MYBBP1A: variants seen among roughly 807,000 people sequenced by gnomAD.
The protein encoded by MYBBP1A is myb-binding protein 1A.
MYBBP1A carries 147 observed loss-of-function variants against 136.3 expected under a neutral mutation model. The observed-to-expected ratio is 1.08, with a 90% CI of 0.94 to 1.24. The LOEUF (loss-of-function observed/expected upper bound fraction) is 1.24. Among genes scored for constraint, MYBBP1A ranks in the 50% most tolerant of loss-of-function variants. The pLI is 0.00. For synonymous variants in MYBBP1A, 947 were observed against 735.8 expected, an observed-to-expected ratio of 1.29 and a Z score of -4.65; for missense variants, 2,060 against 1,727.4, an observed-to-expected ratio of 1.19 and a Z score of -3.41.
At chr17:4,544,963 G>A (rs1358479361) in intron 17 of MYBBP1A, 42 bp from the exon 18 acceptor site, 1 of 1,567,314 alleles carries the variant, frequency 6.4e-7, no homozygotes, top group Non-Finnish European at 8.6e-7. Flanking sequence ...CCTCGGGCAG[G>A]CACACAACAT....
At position 4,545,259 on chromosome 17, in the gene MYBBP1A, C is replaced by T. The variant is rs1209511906; in HGVS notation, c.2160G>A (p.Glu720=). 2 of 1,613,084 alleles carry T rather than the reference C, an allele frequency of 1.2e-6. No individual in the cohort carries two copies. The highest frequency in any genetic ancestry group is 1.3e-5 in the African/African-American group (1 of 74,908). ...CCCGCCCGGCCCATGCTGGCAACAC[C>T]TCTGCACCCTTCAGCCGCCGCTCAT... is the stretch of plus-strand genomic sequence containing the variant. ...DSDERRLKGA[E]DKSEEGEDNR... The change falls in exon 16 of 26, where the codon GAG becomes GAA. Residue 720 remains glutamate (E), a splice_region_variant and synonymous_variant. Transcript: ENST00000254718.
In MYBBP1A at chr17:4,541,567, AG is replaced by A; in HGVS notation, c.3196-4del. ...GCCTCCCCCAGCACGCGCAAGTTCT[AG>A]GGAAGGGTGGCCAGGCTGAGGCACT... On this transcript the variant is annotated splice_region_variant and splice_polypyrimidine_tract_variant and intron_variant, in intron 23 of 25. Coordinates refer to ENST00000254718, the MANE Select transcript of MYBBP1A (RefSeq NM_014520.4). The A allele has an allele frequency of 6.2e-7, 1 of 1,611,610 alleles. No individual in the cohort carries two copies. The highest frequency in any genetic ancestry group is 8.5e-7 in the Non-Finnish European group (1 of 1,179,936).
chr17:4,548,466 G>A lies in MYBBP1A; in HGVS notation c.1556+58C>T, dbSNP rs1193430538. ...TCCCAGCTTAGGGGACCTGGAGGGA[G>A]CAGGCGCCCTCAAGGCCTTCCCACC... On this transcript the variant is annotated intron_variant, in intron 11 of 25. Transcript: ENST00000254718. This position sits in a 1 kb window ranked among gnomAD's most constrained non-coding sequence, Gnocchi z 4.2. 1.2e-6 allele frequency: 2 copies of A among 1,612,200 alleles called. No homozygotes were observed. Among genetic ancestry groups the A allele is most frequent in the Non-Finnish European group, 1.7e-6 (2 of 1,179,600 alleles).
rs770840748 is a variant in MYBBP1A, at chr17:4,548,567, A to C, written c.1513T>G (p.Leu505Val). Residue 505 changes from leucine to valine, a missense_variant, in exon 11 of 26, where the codon TTG becomes GTG. Leu to Val is a conservative substitution (Grantham distance 32). Coordinates refer to ENST00000254718, the MANE Select transcript of MYBBP1A (RefSeq NM_014520.4). This position sits in a 1 kb window ranked among gnomAD's most constrained non-coding sequence, Gnocchi z 4.2. ...ACAGCCTCTCGGGCCTGGTTTTCCA[A>C]AGGGAAGGAGAACGGGTGCTTTGTC... ...PETKHPFSFP[L>V]ENQAREAVSS... 3.7e-6 allele frequency: 6 copies of C among 1,614,080 alleles called. No individual in the cohort carries two copies. The highest frequency in any genetic ancestry group is 5.1e-6 in the Non-Finnish European group (6 of 1,180,046).
rs1364596017 is a variant in MYBBP1A at position 4,555,117 on chromosome 17, G to A, written c.198+10C>T. 10 of 1,582,012 alleles carry A rather than the reference G, an allele frequency of 6.3e-6. No individual in the cohort carries two copies. The highest frequency in any genetic ancestry group is 7.7e-6 in the Non-Finnish European group (9 of 1,163,610). On this transcript the variant is annotated intron_variant, in intron 1 of 25. Transcript: ENST00000254718. ...ATGCGCAGCCTCTGCCCCAGACCCC[G>A]CCACTCCACCTTCGGCCTGCCACGC...
rs1290753540 is a variant in MYBBP1A at position 4,544,869 on chromosome 17, G to T, written c.2363C>A (p.Ala788Asp). 6.2e-7 allele frequency: 1 copy of T among 1,607,766 alleles called. No individual in the cohort carries two copies. The highest frequency in any genetic ancestry group is 8.5e-7 in the Non-Finnish European group (1 of 1,177,392). ...GAGGCTGGCGAGGCTCTGGTCCAGG[G>T]CCATCATGGCCTCATCCCCCAGCTC... Reference protein sequence around the residue: ...EEELGDEAMMALDQSLASLFA... With the variant: ...EEELGDEAMMDLDQSLASLFA... The change falls in exon 18 of 26, where the codon GCC becomes GAC. Residue 788 changes from alanine (A) to aspartate (D), a missense_variant. Coordinates refer to ENST00000254718, the MANE Select transcript of MYBBP1A (RefSeq NM_014520.4).
chr17:4,541,630 G>A lies in MYBBP1A; in HGVS notation c.3196-66C>T, dbSNP rs369524122. 3.1e-5 allele frequency: 48 copies of A among 1,549,816 alleles called. No homozygotes were observed. The African/African-American group carries it at 3.4e-4, about 11-fold the overall frequency. On this transcript the variant is annotated intron_variant, in intron 23 of 25. Transcript: ENST00000254718. ...CTCAAAGCCTTTCTGTTTCCCAGCC[G>A]GAAGTAAAGCCCAGAGGCAGGGACC...
intron 19 of MYBBP1A, among the ~76,000 whole-genome samples, chr17:4,543,472 G>A (rs1906657550): frequency 6.6e-6 from 1 of 152,164 alleles, no homozygotes; most frequent in Non-Finnish European, 1.5e-5. Flanking sequence ...TCATGGGGCA[G>A]TGGCCTTCAG....
At position 4,554,387 on chromosome 17, in the gene MYBBP1A, G is replaced by T. The variant is rs564136015; in HGVS notation, c.295-109C>A. 1.2e-5 allele frequency: 11 copies of T among 900,662 alleles called. No homozygotes were observed. In the African/African-American group the frequency reaches 1.8e-4, roughly 15 times the overall value. The allele number at this position is 900,662 out of a possible 1,614,324, so 55.8% of individuals were successfully genotyped here. ...CTTCAACTTCTCCCAAGAAGCCTCAGGTCCCTAGTCCCACCTTCTATGTAC... is the reference window on the plus strand; with the variant it reads ...CTTCAACTTCTCCCAAGAAGCCTCATGTCCCTAGTCCCACCTTCTATGTAC... On this transcript the variant is annotated intron_variant, in intron 2 of 25. Transcript: ENST00000254718.
In MYBBP1A at chr17:4,544,852, C is replaced by T. The variant is rs767653524; in HGVS notation, c.2380G>A (p.Ala794Thr). 3.6e-5 allele frequency: 58 copies of T among 1,606,182 alleles called. No individual in the cohort carries two copies. In the Middle Eastern group the frequency reaches 8.2e-4, roughly 23 times the overall value. Residue 794 changes from alanine (A) to threonine (T), a missense_variant, in exon 18 of 26, where the codon GCC (alanine) becomes ACC (threonine). Ala to Thr is a moderately conservative substitution (Grantham distance 58, BLOSUM62 0). Coordinates refer to ENST00000254718, the MANE Select transcript of MYBBP1A (RefSeq NM_014520.4). ...AGCTTCTGCTCGGCAAAGAGGCTGG[C>T]GAGGCTCTGGTCCAGGGCCATCATG... ...EAMMALDQSL[A>T]SLFAEQKLRI...
intron 18 of MYBBP1A, 40 bp from the exon 19 acceptor site, chr17:4,544,686 G>T (rs200631753): frequency 7.7e-7 from 1 of 1,299,862 alleles, no homozygotes; most frequent in Admixed American, 2.3e-5. Context: ...GGGGGTGGGC[G>T]CACAGGGAGG....
In MYBBP1A at chr17:4,545,188, G is replaced by A. The variant is rs776510993; in HGVS notation, c.2161-13C>T. 1.7e-5 allele frequency: 28 copies of A among 1,613,120 alleles called. No homozygotes were observed. In the South Asian group the frequency reaches 2.6e-4, roughly 15 times the overall value. On this transcript the variant is annotated splice_polypyrimidine_tract_variant and intron_variant, in intron 16 of 25. Coordinates refer to ENST00000254718, the MANE Select transcript of MYBBP1A (RefSeq NM_014520.4). ...CCTCGCTCTTGTCCTGTGTGGTAGA[G>A]GCAGGCGCGTCACACACCTCCCCGA... is the stretch of plus-strand genomic sequence containing the variant.
chr17:4,539,654 T>C lies in MYBBP1A; in HGVS notation c.3748A>G (p.Lys1250Glu), dbSNP rs886471566. ...GGCTTCTGGTTTTTCTTCTGCAGTT[T>C]TGGGGATTTGGCAGGGGTGCTGGGG... ...RSPSTPAKSP[K>E]LQKKNQKPSQ... Residue 1250 changes from lysine to glutamate, a missense_variant, in exon 26 of 26, where the codon AAA (lysine) becomes GAA (glutamate). Coordinates refer to ENST00000254718, the MANE Select transcript of MYBBP1A (RefSeq NM_014520.4). 5.0e-6 allele frequency: 8 copies of C among 1,611,690 alleles called. No homozygotes were observed. The highest frequency in any genetic ancestry group is 2.2e-5 in the South Asian group (2 of 91,018).
At position 4,542,338 on chromosome 17, in the gene MYBBP1A, G is replaced by A. The variant is rs539930940; in HGVS notation, c.3087+126C>T. On this transcript the variant is annotated intron_variant, in intron 22 of 25. Transcript: ENST00000254718. ...ACCATGTACCCACAGCCAAGCCAGT[G>A]GGGCAGGGACAGCTGTGCCCGTGCT... is the stretch of plus-strand genomic sequence containing the variant. 15 of 1,109,814 alleles carry A rather than the reference G, an allele frequency of 1.4e-5. No individual in the cohort carries two copies. The East Asian group carries it at 1.9e-4, about 14-fold the overall frequency. The allele number at this position is 1,109,814 out of a possible 1,614,324, so 68.7% of individuals were successfully genotyped here.
In MYBBP1A at chr17:4,548,670, G is replaced by C. The variant is rs1567610742; in HGVS notation, c.1431-21C>G. The C allele has an allele frequency of 6.2e-7, 1 of 1,613,834 alleles. No individual in the cohort carries two copies. The highest frequency in any genetic ancestry group is 1.1e-5 in the South Asian group (1 of 91,070). On this transcript the variant is annotated intron_variant, in intron 10 of 25. Coordinates refer to ENST00000254718, the MANE Select transcript of MYBBP1A (RefSeq NM_014520.4). The surrounding 1 kb of genome is among the most constrained non-coding windows in gnomAD (Gnocchi z 4.2). ...AAAACCTGGGGAGGGTGGGAGAGTG[G>C]CCATAGCCATTCACTGCCATTGGTT... is the stretch of plus-strand genomic sequence containing the variant.
At position 4,540,438 on chromosome 17, in the gene MYBBP1A, T is replaced by G. The variant is rs1567602614; in HGVS notation, c.3344A>C (p.Gln1115Pro). The change falls in exon 25 of 26, where the codon CAA becomes CCA. Residue 1115 changes from glutamine (Q) to proline (P), a missense_variant. Physicochemically the swap from Gln to Pro is moderately conservative, Grantham distance 76 (BLOSUM62 -1). Transcript: ENST00000254718. ...TGCCCCCTGCTGTAGGCTCTGCTGT[T>G]GCCCCTGCAGCACACCCAGGAGCAC... ...LTVLLGVLQGQQQSLQQGAHS... is the reference protein window; with the variant it reads ...LTVLLGVLQGPQQSLQQGAHS... The G allele has an allele frequency of 6.2e-7, 1 of 1,611,270 alleles. No homozygotes were observed. The highest frequency in any genetic ancestry group is 1.3e-5 in the African/African-American group (1 of 75,032).
Position 4,552,313 on chromosome 17 carries a change from A to T in MYBBP1A, c.738-21T>A, listed in dbSNP as rs373982321. The T allele has an allele frequency of 3.1e-6, 5 of 1,613,224 alleles. No homozygotes were observed. Among genetic ancestry groups the T allele is most frequent in the South Asian group, 2.2e-5 (2 of 91,064 alleles). On this transcript the variant is annotated intron_variant, in intron 6 of 25. Coordinates refer to ENST00000254718, the MANE Select transcript of MYBBP1A (RefSeq NM_014520.4). The surrounding 1 kb of genome is among the most constrained non-coding windows in gnomAD (Gnocchi z 4.7). ...CCAGCCTGCGGAGGGCAAGGGACTC[A>T]GGGAACACTTGCCTCACAGGCAAGG...
chr17:4,546,056 C>T lies in MYBBP1A; in HGVS notation c.1825-114G>A. On this transcript the variant is annotated intron_variant, in intron 13 of 25. Transcript: ENST00000254718. ...GCATCAAGAAGCCTCCAACACCCAG[C>T]CACTGGCCCGCCCTGGCCAGTCACC... The T allele has an allele frequency of 4.3e-6, 4 of 935,964 alleles. No individual in the cohort carries two copies. The Admixed American group carries it at 6.4e-5, about 15-fold the overall frequency. 58.0% of individuals were successfully genotyped at this position (935,964 alleles called of 1,614,324 possible). A position where few individuals can be genotyped will look rare whatever the true frequency, so the allele number is the denominator to read the frequency against.
chr17:4,549,052 G>A (rs554395916), intron 10 of MYBBP1A, among the ~76,000 whole-genome samples: 3 of 152,366 alleles, frequency 2.0e-5, no homozygotes, highest in Admixed American at 1.3e-4. Flanking sequence ...CGAGGCAGGT[G>A]TGGGGCAGAA....
Sources: allele counts gnomAD v4.1 joint callset (sites outside exome capture counted in the v4.1 genomes callset), GRCh38; gene constraint gnomAD v4.1.1; non-coding constraint Gnocchi (gnomAD v3.1); transcripts MANE v1.5; gene names NCBI Gene and HGNC (gene_info 2026-07-23, HGNC 2026-07-21).